Variants in SLC1A2 observed in about 807,000 individuals in gnomAD.
The protein encoded by SLC1A2 is excitatory amino acid transporter 2.
A neutral mutation model predicts 48.8 loss-of-function variants in SLC1A2; 15 were observed. That is an observed-to-expected ratio of 0.31 (90% CI 0.21 to 0.47). The LOEUF is 0.47. Among genes scored for constraint, SLC1A2 ranks in the 20% least tolerant of loss-of-function variants. The pLI is 0.99. For synonymous variants in SLC1A2, 279 were observed against 272.6 expected (o/e 1.02, Z -0.23); for missense variants, 502 against 730.5 (o/e 0.69, Z 3.61).
intron 3 of SLC1A2, among the ~76,000 whole-genome samples, chr11:35,312,687 T>C (rs1306948747): frequency 1.3e-5 from 2 of 152,250 alleles, no homozygotes; most frequent in Non-Finnish European, 2.9e-5. Context: ...GTATATAACC[T>C]ATGCACATCC....
In SLC1A2 at chr11:35,265,611, A is replaced by G. The variant is rs779210400; in HGVS notation, c.1569T>C (p.Tyr523=). ...TTTCCCTGTGGTTCTTCATGTCATC[A>G]TAAATGGATTGAGTCTTGGTCATTT... The part of the protein sequence containing the change: ...DIEMTKTQSI[Y]DDMKNHRESN... Residue 523 remains tyrosine (Y), a synonymous_variant, in exon 10 of 11, where the codon TAT becomes TAC. Transcript: ENST00000278379. 3.7e-6 allele frequency: 6 copies of G among 1,612,910 alleles called. No homozygotes were observed. The highest frequency in any genetic ancestry group is 5.1e-6 in the Non-Finnish European group (6 of 1,178,960).
chr11:35,312,727 A>G (rs1851745578), intron 3 of SLC1A2, among the ~76,000 whole-genome samples: 1 of 152,226 alleles, frequency 6.6e-6, no homozygotes, highest in Non-Finnish European at 1.5e-5. Flanking sequence ...CCTCTAAATT[A>G]TTTACAATAC....
intron 1 of SLC1A2, among the ~76,000 whole-genome samples, chr11:35,326,907 T>A (rs1005283011): frequency 2.0e-5 from 3 of 152,152 alleles, no homozygotes; most frequent in Non-Finnish European, 4.4e-5. Flanking sequence ...GACACCTTAG[T>A]ATAAAGGAGA....
At chr11:35,353,841 T>C (rs16927393) in intron 1 of SLC1A2, among the ~76,000 whole-genome samples, 10,770 of 152,262 alleles carry the variant, frequency 0.071, 588 homozygotes, top group African/African-American at 0.15. Flanking sequence ...TTACTCCTAT[T>C]TCAATTACAG....
chr11:35,350,430 C>A (rs1359152076), intron 1 of SLC1A2, among the ~76,000 whole-genome samples: 1 of 152,118 alleles, frequency 6.6e-6, no homozygotes, highest in Non-Finnish European at 1.5e-5. Flanking sequence ...TTGCAACAAC[C>A]CCAAAAGGTA....
chr11:35,342,591 T>C (rs1852880147), intron 1 of SLC1A2, among the ~76,000 whole-genome samples: 2 of 151,828 alleles, frequency 1.3e-5, no homozygotes, highest in Admixed American at 1.3e-4. Context: ...AGCATAATAA[T>C]TTCTAGTGGG....
intron 1 of SLC1A2, among the ~76,000 whole-genome samples, chr11:35,374,969 G>A (rs1369007805): frequency 6.6e-6 from 1 of 152,116 alleles, no homozygotes; most frequent in Non-Finnish European, 1.5e-5. Context: ...GCAACATATT[G>A]CTTAAGAAAA....
chr11:35,419,205 C>T lies in SLC1A2; in HGVS notation c.-239G>A, dbSNP rs1027848328. The T allele has an allele frequency of 1.8e-5, 8 of 440,652 alleles. No individual in the cohort carries two copies. Among genetic ancestry groups the T allele is most frequent in the Admixed American group, 1.3e-4 (3 of 23,220 alleles). 27.3% of individuals were successfully genotyped at this position (440,652 alleles called of 1,614,324 possible). On this transcript the variant is annotated 5_prime_UTR_variant, in exon 1 of 11. Coordinates refer to ENST00000278379, the MANE Select transcript of SLC1A2 (RefSeq NM_004171.4). The surrounding 1 kb of genome is among the most constrained non-coding windows in gnomAD (Gnocchi z 5.4). ...CGCGCGACCCGCGCTCCCCTCCGCC[C>T]GCGGGGATGGCGCTTGGCGGGGAGC...
chr11:35,399,885 G>A (rs755499171), intron 1 of SLC1A2, among the ~76,000 whole-genome samples: 1 of 152,160 alleles, frequency 6.6e-6, no homozygotes, highest in Non-Finnish European at 1.5e-5. Flanking sequence ...TCAAAGATTA[G>A]GGAGCTATAA....
intron 1 of SLC1A2, among the ~76,000 whole-genome samples, chr11:35,407,027 G>A (rs1160933612): frequency 1.3e-5 from 2 of 151,716 alleles, no homozygotes; most frequent in African/African-American, 2.4e-5. Flanking sequence ...GAAGGGTTAA[G>A]GGAAGAAAGA....
chr11:35,420,175 G>A (rs1404483416), upstream of SLC1A2: 1 of 188,770 alleles, frequency 5.3e-6, no homozygotes, highest in Non-Finnish European at 1.1e-5. Context: ...GGTCGGCCTC[G>A]TGGGTGCCGG....
chr11:35,288,330 T>C (rs1850891155), intron 7 of SLC1A2, among the ~76,000 whole-genome samples: 1 of 152,122 alleles, frequency 6.6e-6, no homozygotes, highest in South Asian at 2.1e-4. Flanking sequence ...GGAAGAAGAA[T>C]TGTTTGTTGG....
In SLC1A2 at chr11:35,317,530, G is replaced by A. The variant is rs1227332042; in HGVS notation, c.18-14C>T. ...ATATTGTTGGCACTGGAACAGAAGT[G>A]AAGGCAGAGATTAGAGAGACTGGCA... On this transcript the variant is annotated splice_polypyrimidine_tract_variant and intron_variant, in intron 1 of 10. Transcript: ENST00000278379. The A allele has an allele frequency of 1.2e-6, 2 of 1,611,052 alleles. No homozygotes were observed. The highest frequency in any genetic ancestry group is 2.2e-5 in the South Asian group (2 of 91,004).
At chr11:35,294,424 C>CCA (rs1554996688) in intron 6 of SLC1A2, among the ~76,000 whole-genome samples, 1 of 152,102 alleles carries the variant, frequency 6.6e-6, no homozygotes, top group Non-Finnish European at 1.5e-5. Flanking sequence ...TTAGCTCTCC[C>CCA]GCCATTTTAT....
Position 35,317,266 on chromosome 11 carries a change from C to T in SLC1A2, c.157+111G>A, listed in dbSNP as rs555612680. The T allele has an allele frequency of 2.5e-6, 3 of 1,222,020 alleles. No individual in the cohort carries two copies. In the Admixed American group the frequency reaches 7.1e-5, roughly 29 times the overall value. 75.7% of individuals were successfully genotyped at this position (1,222,020 alleles called of 1,614,324 possible). A position where few individuals can be genotyped will look rare whatever the true frequency, so the allele number is the denominator to read the frequency against. On this transcript the variant is annotated intron_variant, in intron 2 of 10. Transcript: ENST00000278379. ...TGGGCAGACAGGGCCCTAGGCAAAC[C>T]ACGTGGCTTCCTTTCTGGTGGAAGG...
At chr11:35,267,333 G>A (rs186738596) in intron 9 of SLC1A2, among the ~76,000 whole-genome samples, 128 of 152,178 alleles carry the variant, frequency 8.4e-4, no homozygotes, top group East Asian at 4.6e-3. Flanking sequence ...TAGTTGCCTC[G>A]TTTATAAAAT....
chr11:35,317,625 T>A, intron 1 of SLC1A2, 109 bp from the exon 2 acceptor site: 1 of 1,323,830 alleles, frequency 7.6e-7, no homozygotes, highest in African/African-American at 1.5e-5. Context: ...TCTGGAACCA[T>A]CTGCAGGAAA....
At position 35,401,359 on chromosome 11, in the gene SLC1A2, T is replaced by A. The variant is rs557935670; in HGVS notation, c.17+17591A>T. Among the ~76,000 whole-genome samples the A allele has an allele frequency of 2.6e-5, 4 of 152,322 alleles. No homozygotes were observed. In the East Asian group the frequency reaches 7.7e-4, roughly 29 times the overall value. ...AATATGTTGAAAATATATTTGAGGG[T>A]AAAACACTTTGATTTCTTTCAGGGC... On this transcript the variant is annotated intron_variant, in intron 1 of 10. Coordinates refer to ENST00000278379, the MANE Select transcript of SLC1A2 (RefSeq NM_004171.4).
intron 1 of SLC1A2, among the ~76,000 whole-genome samples, chr11:35,338,632 C>A (rs1041984373): frequency 6.6e-6 from 1 of 152,204 alleles, no homozygotes; most frequent in South Asian, 2.1e-4. Context: ...GAATGACCTG[C>A]CTTTGTTTGA....
Sources: allele counts gnomAD v4.1 joint callset (sites outside exome capture counted in the v4.1 genomes callset), GRCh38; gene constraint gnomAD v4.1.1; non-coding constraint Gnocchi (gnomAD v3.1); transcripts MANE v1.5; gene names NCBI Gene and HGNC (gene_info 2026-07-23, HGNC 2026-07-21).